The following FAM184B variants were observed in gnomAD, a reference collection of about 807,000 sequenced individuals.
FAM184B encodes protein FAM184B.
In FAM184B, 111 loss-of-function variants were observed where a neutral mutation model predicts 135.9. The observed-to-expected ratio is 0.82, with a 90% CI of 0.70 to 0.96. The LOEUF (loss-of-function observed/expected upper bound fraction) is 0.96. Ranked by LOEUF, FAM184B falls within the 40% of genes least tolerant of loss-of-function variation. The pLI is 0.00. For missense variants in FAM184B, 1,375 were observed against 1,323.9 expected (o/e 1.04, Z -0.60); for synonymous variants, 552 against 524.8 (o/e 1.05, Z -0.71).
At chr4:17,645,699 A>AT (rs1387380028) in intron 12 of FAM184B, among the ~76,000 whole-genome samples, 4 of 151,996 alleles carry the variant, frequency 2.6e-5, no homozygotes, top group Admixed American at 2.6e-4. Flanking sequence ...ACCAAAAGCA[A>AT]TGGCAACAAA....
At chr4:17,666,700 T>C (rs1716057786) in intron 7 of FAM184B, among the ~76,000 whole-genome samples, 1 of 151,904 alleles carries the variant, frequency 6.6e-6, no homozygotes, top group African/African-American at 2.4e-5. Context: ...CCTTGCTCTA[T>C]GTTTTTCTCA....
intron 10 of FAM184B, among the ~76,000 whole-genome samples, chr4:17,654,940 C>A (rs1353724249): frequency 6.6e-6 from 1 of 152,180 alleles, no homozygotes; most frequent in Non-Finnish European, 1.5e-5. Flanking sequence ...CAGCCTTGAC[C>A]TCCTGGGCCC....
intron 5 of FAM184B, among the ~76,000 whole-genome samples, chr4:17,702,843 C>T (rs1271328280): frequency 6.6e-6 from 1 of 152,144 alleles, no homozygotes; most frequent in Non-Finnish European, 1.5e-5. Flanking sequence ...CCTCCTGCTG[C>T]TTGTGGCCGG....
chr4:17,710,592 A>G (rs960181823), intron 1 of FAM184B, among the ~76,000 whole-genome samples: 2 of 152,174 alleles, frequency 1.3e-5, no homozygotes, highest in African/African-American at 4.8e-5. Flanking sequence ...TTAACACCAT[A>G]CTCAGTGATG....
At chr4:17,674,099 T>C (rs1369463255) in intron 7 of FAM184B, among the ~76,000 whole-genome samples, 1 of 151,528 alleles carries the variant, frequency 6.6e-6, no homozygotes, top group Non-Finnish European at 1.5e-5. Flanking sequence ...TGAAACTCAT[T>C]AGAAAAGGTA....
intron 13 of FAM184B, among the ~76,000 whole-genome samples, chr4:17,640,491 A>AAG (rs974635051): frequency 2.2e-4 from 34 of 151,510 alleles, no homozygotes; most frequent in Non-Finnish European, 1.6e-4. Context: ...CAAAAAAAAA[A>AAG]AAAAGAAAAT....
At chr4:17,661,552 TCAAA>T (rs920572766) in intron 8 of FAM184B, among the ~76,000 whole-genome samples, 154 of 152,290 alleles carry the variant, frequency 1.0e-3, no homozygotes, top group African/African-American at 3.2e-3. Context: ...AAACTCCACC[TCAAA>T]CAAACAAACA....
intron 1 of FAM184B, among the ~76,000 whole-genome samples, chr4:17,727,378 G>A (rs1310783882): frequency 6.6e-6 from 1 of 152,158 alleles, no homozygotes; most frequent in Non-Finnish European, 1.5e-5. Flanking sequence ...TGTGAACTTA[G>A]GCATGTCCTA....
chr4:17,702,627 T>A (rs928528269), intron 5 of FAM184B, among the ~76,000 whole-genome samples: 2 of 152,322 alleles, frequency 1.3e-5, no homozygotes, highest in East Asian at 3.9e-4. Context: ...CCAATCTGCA[T>A]GGCCTAATTT....
rs372407154 is a variant in FAM184B at position 17,663,216 on chromosome 4, C to T, written c.1694+1346G>A. Among the ~76,000 whole-genome samples the T allele has an allele frequency of 1.1e-3, 173 of 152,312 alleles. 2 individuals are homozygous for T. The South Asian group carries it at 0.024, about 21-fold the overall frequency. On this transcript the variant is annotated intron_variant, in intron 8 of 17. Transcript: ENST00000265018. ...CCTTCTAAAGTGCTAAGATTACAGACATGAGCCACCATGCCCGGCCTCACA... is the reference window on the plus strand; with the variant it reads ...CCTTCTAAAGTGCTAAGATTACAGATATGAGCCACCATGCCCGGCCTCACA...
At chr4:17,719,337 A>G (rs900914901) in intron 1 of FAM184B, among the ~76,000 whole-genome samples, 6 of 152,230 alleles carry the variant, frequency 3.9e-5, no homozygotes, top group Non-Finnish European at 8.8e-5. Context: ...CCAGGAGGAA[A>G]AGAGGAGGAC....
At chr4:17,652,675 G>A (rs1715652906) in intron 11 of FAM184B, among the ~76,000 whole-genome samples, 155 bp downstream of exon 11, 1 of 151,726 alleles carries the variant, frequency 6.6e-6, no homozygotes, top group East Asian at 1.9e-4. Context: ...GTGAATCTGA[G>A]AGCCCTGGAG....
At chr4:17,710,194 C>T (rs938494167) in intron 1 of FAM184B, among the ~76,000 whole-genome samples, 2 of 151,998 alleles carry the variant, frequency 1.3e-5, no homozygotes, top group African/African-American at 2.4e-5. Context: ...TGTGGTGGCA[C>T]GCCCCTGTAA....
chr4:17,642,087 G>A lies in FAM184B; in HGVS notation c.2488C>T (p.Gln830Ter). The change falls in exon 13 of 18, where the codon CAG (glutamine) becomes TAG (stop). Residue 830 changes from glutamine (Q) to a stop codon, truncating the protein, a stop_gained. Coordinates refer to ENST00000265018, the MANE Select transcript of FAM184B (RefSeq NM_015688.2). LOFTEE classifies it high-confidence loss of function. ...TGGTCTCGGAGCTTCTGCGCCTCCT[G>A]CTGATGCTGCTCCACCTCCGCGCGC... ...RLRAEVEQHQQEAQKLRDQRR... is the reference protein window; with the variant it reads ...RLRAEVEQHQ 6.5e-7 allele frequency: 1 copy of A among 1,532,366 alleles called. No homozygotes were observed. Among genetic ancestry groups the A allele is most frequent in the Non-Finnish European group, 8.7e-7 (1 of 1,145,202 alleles). 94.9% of individuals were successfully genotyped at this position (1,532,366 alleles called of 1,614,324 possible). A position where few individuals can be genotyped will look rare whatever the true frequency, so the allele number is the denominator to read the frequency against.
chr4:17,651,264 G>A lies in FAM184B; in HGVS notation c.2191+1566C>T, dbSNP rs536570925. ...TTGAAATATTCAGTCATGGCCGGGC[G>A]CAGTGGCTCACGCCTGTAATCCCAG... On this transcript the variant is annotated intron_variant, in intron 11 of 17. Transcript: ENST00000265018. Among the ~76,000 whole-genome samples, 15 of 152,232 alleles carry A rather than the reference G, an allele frequency of 9.9e-5. No individual in the cohort carries two copies. In the East Asian group the frequency reaches 1.7e-3, roughly 18 times the overall value.
intron 1 of FAM184B, among the ~76,000 whole-genome samples, chr4:17,730,844 AAT>A (rs754492253): frequency 1.3e-4 from 20 of 152,198 alleles, no homozygotes; most frequent in Non-Finnish European, 2.6e-4. Context: ...TTTGAAAAAA[AAT>A]TAGATGATTG....
At chr4:17,718,613 GGAATGTGAGT>G (rs1168690324) in intron 1 of FAM184B, among the ~76,000 whole-genome samples, 1 of 152,194 alleles carries the variant, frequency 6.6e-6, no homozygotes, top group East Asian at 1.9e-4. Context: ...TTTGGCCAAG[GGAATGTGAGT>G]GGACTTGTTG....
chr4:17,680,905 G>A (rs1367375695), intron 7 of FAM184B, among the ~76,000 whole-genome samples: 1 of 152,172 alleles, frequency 6.6e-6, no homozygotes, highest in East Asian at 1.9e-4. Flanking sequence ...AATATTCAAA[G>A]TCATTCTCAA....
At chr4:17,780,988 C>G (rs1719021194) in intron 1 of FAM184B, among the ~76,000 whole-genome samples, 171 bp downstream of exon 1, 1 of 152,160 alleles carries the variant, frequency 6.6e-6, no homozygotes, top group Non-Finnish European at 1.5e-5. Flanking sequence ...AGGATGGTGC[C>G]TCTAGAAGGT....
Sources: allele counts gnomAD v4.1 joint callset (sites outside exome capture counted in the v4.1 genomes callset), GRCh38; gene constraint gnomAD v4.1.1; transcripts MANE v1.5; gene names NCBI Gene and HGNC (gene_info 2026-07-23, HGNC 2026-07-21).